MALRD1: variants seen among roughly 807,000 people sequenced by gnomAD.
The protein encoded by MALRD1 is MAM and LDL-receptor class A domain-containing protein 1.
A neutral mutation model predicts 242.1 loss-of-function variants in MALRD1; 247 were observed. That is an observed-to-expected ratio of 1.02 (90% CI 0.92 to 1.13). MALRD1 has a LOEUF of 1.13. Ranked by LOEUF, MALRD1 falls within the 50% of genes most tolerant of loss-of-function variation. The pLI, the probability that MALRD1 is intolerant of heterozygous loss-of-function variation, is 0.00. For synonymous variants in MALRD1, 995 were observed against 866.6 expected (o/e 1.15, Z -2.60); for missense variants, 2,989 against 2,533.1 (o/e 1.18, Z -3.86).
At chr10:19,281,313 T>C (rs1408761070) in intron 20 of MALRD1, among the ~76,000 whole-genome samples, 3 of 152,146 alleles carry the variant, frequency 2.0e-5, no homozygotes, top group Admixed American at 1.3e-4. Flanking sequence ...AATCCCCTTA[T>C]GATCTTATAT....
intron 29 of MALRD1, among the ~76,000 whole-genome samples, chr10:19,475,579 A>G (rs573849062): frequency 6.6e-6 from 1 of 152,346 alleles, no homozygotes; most frequent in South Asian, 2.1e-4. Flanking sequence ...TGATTGAAAT[A>G]CTATGTCAAA....
At position 19,629,756 on chromosome 10, in the gene MALRD1, G is replaced by A. The variant is rs570573403; in HGVS notation, c.6137+13833G>A. On this transcript the variant is annotated intron_variant, in intron 36 of 39. Transcript: ENST00000454679. ...ATGCTGACAAAAAAGTTATTCCTCA[G>A]ACTGAATTTCACAATTTCCCCAATC... 2.0e-5 allele frequency among the ~76,000 whole-genome samples: 3 copies of A among 152,272 alleles called. No individual in the cohort carries two copies. The East Asian group carries it at 5.8e-4, about 29-fold the overall frequency.
intron 36 of MALRD1, among the ~76,000 whole-genome samples, chr10:19,650,528 A>G (rs1840826525): frequency 6.6e-6 from 1 of 152,190 alleles, no homozygotes; most frequent in African/African-American, 2.4e-5. Context: ...GAAAATCTGT[A>G]ATAAGTTTTC....
At chr10:19,700,344 G>C (rs1833569518) in intron 38 of MALRD1, among the ~76,000 whole-genome samples, 1 of 152,086 alleles carries the variant, frequency 6.6e-6, no homozygotes, top group Admixed American at 6.6e-5. Context: ...AACCTGCCAT[G>C]AGGAAAGGGT....
chr10:19,136,548 A>G, intron 9 of MALRD1, 26 bp from the exon 10 acceptor site: 1 of 1,197,884 alleles, frequency 8.3e-7, no homozygotes, highest in East Asian at 3.2e-5. Context: ...TTGCAAACTC[A>G]TAAATTAATC....
At chr10:19,068,370 C>G (rs1402091822) in intron 2 of MALRD1, among the ~76,000 whole-genome samples, 1 of 151,836 alleles carries the variant, frequency 6.6e-6, no homozygotes, top group African/African-American at 2.4e-5. Flanking sequence ...GCAATTCACA[C>G]CAAAACTGAG....
intron 21 of MALRD1, among the ~76,000 whole-genome samples, chr10:19,297,170 A>C (rs1321847726): frequency 6.6e-6 from 1 of 151,044 alleles, no homozygotes; most frequent in East Asian, 1.9e-4. Flanking sequence ...TTTGAGAATA[A>C]GATGAGTTTT....
chr10:19,414,804 A>T (rs548103064), intron 28 of MALRD1, among the ~76,000 whole-genome samples: 1 of 144,238 alleles, frequency 6.9e-6, no homozygotes, highest in African/African-American at 2.4e-5. Context: ...CAGGCTAGCA[A>T]TTTCATGGAG....
intron 18 of MALRD1, among the ~76,000 whole-genome samples, chr10:19,228,908 A>G (rs1309364946): frequency 2.0e-5 from 3 of 152,114 alleles, no homozygotes; most frequent in Non-Finnish European, 2.9e-5. Flanking sequence ...TTATTTCAAA[A>G]TGAAAAATTG....
intron 11 of MALRD1, among the ~76,000 whole-genome samples, chr10:19,154,552 G>A (rs763016427): frequency 2.0e-4 from 31 of 152,106 alleles, no homozygotes; most frequent in Admixed American, 4.6e-4. Context: ...GAGCACATCC[G>A]TCGTAGTTAA....
At chr10:19,432,989 C>A (rs935116707) in intron 28 of MALRD1, among the ~76,000 whole-genome samples, 2 of 152,234 alleles carry the variant, frequency 1.3e-5, no homozygotes, top group African/African-American at 4.8e-5. Flanking sequence ...TGTAATGCGT[C>A]TGCACACATA....
At chr10:19,226,338 AT>A (rs1374665302) in intron 18 of MALRD1, among the ~76,000 whole-genome samples, 2 of 152,224 alleles carry the variant, frequency 1.3e-5, no homozygotes, top group Non-Finnish European at 2.9e-5. Context: ...TTTCAAACTG[AT>A]TATGTGTTTA....
chr10:19,275,819 A>G (rs933376343), intron 19 of MALRD1, among the ~76,000 whole-genome samples: 1 of 152,188 alleles, frequency 6.6e-6, no homozygotes, highest in African/African-American at 2.4e-5. Flanking sequence ...TGTTTATTGA[A>G]GTTTCTGTGT....
intron 32 of MALRD1, among the ~76,000 whole-genome samples, chr10:19,542,430 T>G (rs1157412247): frequency 1.3e-5 from 2 of 151,806 alleles, no homozygotes. Flanking sequence ...ATTATATAAT[T>G]TATAGTTTTA....
intron 32 of MALRD1, among the ~76,000 whole-genome samples, chr10:19,561,609 G>A (rs759086814): frequency 6.6e-6 from 1 of 152,178 alleles, no homozygotes; most frequent in Non-Finnish European, 1.5e-5. Flanking sequence ...GCCTTTGACA[G>A]GGTAATTTGT....
At chr10:19,649,361 A>G (rs377488528) in intron 36 of MALRD1, among the ~76,000 whole-genome samples, 2 of 152,188 alleles carry the variant, frequency 1.3e-5, no homozygotes, top group South Asian at 4.1e-4. Flanking sequence ...CCAATAGTGT[A>G]TAAGTGTTCC....
chr10:19,477,075 A>G (rs1836773043), intron 29 of MALRD1, among the ~76,000 whole-genome samples: 1 of 152,158 alleles, frequency 6.6e-6, no homozygotes, highest in African/African-American at 2.4e-5. Flanking sequence ...ATACATTCAG[A>G]GATGGGAATG....
Position 19,155,110 on chromosome 10 carries a change from G to A in MALRD1, c.1594G>A (p.Gly532Arg), listed in dbSNP as rs771369798. 4.1e-6 allele frequency: 5 copies of A among 1,231,320 alleles called. No homozygotes were observed. Among genetic ancestry groups the A allele is most frequent in the East Asian group, 3.2e-5 (1 of 31,686 alleles). 76.3% of individuals were successfully genotyped at this position (1,231,320 alleles called of 1,614,324 possible). A position where few individuals can be genotyped will look rare whatever the true frequency, so the allele number is the denominator to read the frequency against. ...FIYLEAQRSP[G>R]VAKLGSPVLT... ...TTATTTGGAGGCACAGCGCTCCCCC[G>A]GGGTGGCCAAGCTTGGAAGTCCTGT... Residue 532 changes from glycine to arginine, a missense_variant, in exon 12 of 40, where the codon GGG becomes AGG. Physicochemically the swap from Gly to Arg is moderately radical, Grantham distance 125. Transcript: ENST00000454679.
At chr10:19,537,809 C>T (rs1395438662) in intron 32 of MALRD1, among the ~76,000 whole-genome samples, 2 of 152,128 alleles carry the variant, frequency 1.3e-5, no homozygotes, top group African/African-American at 4.8e-5. Flanking sequence ...CTCCTGTAGG[C>T]CCTACCTTCT....
Sources: gnomAD v4.1 joint callset for allele counts (sites outside exome capture counted in the v4.1 genomes callset) on GRCh38, gnomAD v4.1.1 for gene constraint, MANE v1.5 for transcripts, NCBI Gene and HGNC (gene_info 2026-07-23, HGNC 2026-07-21) for gene names.